SEMA3E: variants seen among roughly 807,000 people sequenced by gnomAD.
SEMA3E encodes semaphorin 3E, also known as semaphorin-3E.
A neutral mutation model predicts 93.6 loss-of-function variants in SEMA3E; 49 were observed. That is an observed-to-expected ratio of 0.52 (90% confidence interval 0.42 to 0.66). The LOEUF (loss-of-function observed/expected upper bound fraction) is 0.66. Ranked by LOEUF, SEMA3E falls within the 30% of genes least tolerant of loss-of-function variation. The pLI, the probability that SEMA3E is intolerant of heterozygous loss-of-function variation, is 0.00. For synonymous variants in SEMA3E, 363 were observed against 330.7 expected (o/e 1.10, Z -1.06); for missense variants, 906 against 964.8 (o/e 0.94, Z 0.81).
intron 1 of SEMA3E, among the ~76,000 whole-genome samples, chr7:83,640,491 C>G (rs1010530067): frequency 6.6e-6 from 1 of 152,072 alleles, no homozygotes; most frequent in African/African-American, 2.4e-5. Flanking sequence ...AGCTTCCCAG[C>G]GGAAAAACAG....
At chr7:83,474,677 A>G (rs1380205438) in intron 2 of SEMA3E, among the ~76,000 whole-genome samples, 13 of 152,244 alleles carry the variant, frequency 8.5e-5, no homozygotes, top group Admixed American at 8.5e-4. Flanking sequence ...TGGGTCATGC[A>G]TGATTTAGGA....
chr7:83,410,789 CAT>C (rs750856041), intron 5 of SEMA3E, among the ~76,000 whole-genome samples: 7 of 152,142 alleles, frequency 4.6e-5, no homozygotes, highest in African/African-American at 9.6e-5. Flanking sequence ...ACTATTAACA[CAT>C]GAGTGAGGAT....
chr7:83,606,632 G>C (rs1342728698), intron 1 of SEMA3E, among the ~76,000 whole-genome samples: 2 of 134,458 alleles, frequency 1.5e-5, no homozygotes, highest in Non-Finnish European at 3.1e-5. Flanking sequence ...GGAGGGGGGA[G>C]GGATAGCATT....
intron 4 of SEMA3E, among the ~76,000 whole-genome samples, chr7:83,435,612 TAAAG>T (rs769833428): frequency 1.8e-4 from 28 of 151,758 alleles, no homozygotes; most frequent in African/African-American, 2.7e-4. Context: ...ATAAAATAAA[TAAAG>T]AAAGAAAGAA....
intron 1 of SEMA3E, among the ~76,000 whole-genome samples, chr7:83,528,254 AAAAT>A (rs1791205457): frequency 6.6e-6 from 1 of 152,156 alleles, no homozygotes; most frequent in South Asian, 2.1e-4. Flanking sequence ...AACTCAAACA[AAAAT>A]AAATCTTGAA....
chr7:83,564,461 C>G, intron 1 of SEMA3E, among the ~76,000 whole-genome samples: 1 of 151,976 alleles, frequency 6.6e-6, no homozygotes, highest in East Asian at 1.9e-4. Context: ...TCCTTGAATG[C>G]CATGGCCAAG....
chr7:83,377,768 C>G (rs1397270238), intron 16 of SEMA3E, among the ~76,000 whole-genome samples: 1 of 151,890 alleles, frequency 6.6e-6, no homozygotes, highest in Non-Finnish European at 1.5e-5. Flanking sequence ...CACTAATAAC[C>G]ATTTACATTT....
chr7:83,544,360 G>T (rs1015419284), intron 1 of SEMA3E, among the ~76,000 whole-genome samples: 3 of 151,974 alleles, frequency 2.0e-5, no homozygotes, highest in Non-Finnish European at 2.9e-5. Context: ...CTTCATTCGA[G>T]CAGCTATGCC....
intron 4 of SEMA3E, among the ~76,000 whole-genome samples, chr7:83,452,332 A>G (rs1256134998): frequency 6.6e-6 from 1 of 152,090 alleles, no homozygotes; most frequent in African/African-American, 2.4e-5. Context: ...GTGGGGGAAA[A>G]AAAAGCCCTC....
intron 7 of SEMA3E, 72 bp downstream of exon 7, chr7:83,407,025 T>G (rs1381105391): frequency 6.4e-7 from 1 of 1,567,740 alleles, no homozygotes; most frequent in African/African-American, 1.4e-5. Flanking sequence ...AAGTAGAAAC[T>G]TACTATAAAC....
chr7:83,633,201 GCCC>G (rs1411295357), intron 1 of SEMA3E, among the ~76,000 whole-genome samples: 2 of 151,086 alleles, frequency 1.3e-5, no homozygotes, highest in Non-Finnish European at 2.9e-5. Flanking sequence ...CCTCTCCCAT[GCCC>G]CCTTCTTTAC....
At chr7:83,369,190 CTTCT>C (rs1166669344) in intron 16 of SEMA3E, among the ~76,000 whole-genome samples, 1 of 152,092 alleles carries the variant, frequency 6.6e-6, no homozygotes, top group African/African-American at 2.4e-5. Flanking sequence ...AAGCAATATT[CTTCT>C]TTGTCAATAT....
chr7:83,518,108 A>G (rs1433582195), intron 1 of SEMA3E, among the ~76,000 whole-genome samples: 1 of 147,654 alleles, frequency 6.8e-6, no homozygotes. Flanking sequence ...GCTTTTCTTC[A>G]TGAAAGAAAA....
chr7:83,364,780 A>T lies in SEMA3E; in HGVS notation c.*2806T>A, dbSNP rs998928650. On this transcript the variant is annotated 3_prime_UTR_variant, in exon 17 of 17. Transcript: ENST00000643230. ...GGAGGTGCCTCTTAGAAATTAGATGAGTGGTTATGATTTTTGCTCAATGTT... is the reference window on the plus strand; with the variant it reads ...GGAGGTGCCTCTTAGAAATTAGATGTGTGGTTATGATTTTTGCTCAATGTT... 1 of 152,130 alleles carries T rather than the reference A, an allele frequency of 6.6e-6. No homozygotes were observed. Among genetic ancestry groups the T allele is most frequent in the Non-Finnish European group, 1.5e-5 (1 of 68,020 alleles). The allele number at this position is 152,130 out of a possible 1,614,324, so 9.4% of individuals were successfully genotyped here.
At chr7:83,627,205 G>T (rs1315484033) in intron 1 of SEMA3E, among the ~76,000 whole-genome samples, 1 of 152,162 alleles carries the variant, frequency 6.6e-6, no homozygotes, top group Non-Finnish European at 1.5e-5. Flanking sequence ...GTGTTCTGTA[G>T]ATGTCTATCA....
chr7:83,613,942 A>C (rs933577529), intron 1 of SEMA3E, among the ~76,000 whole-genome samples: 6 of 152,100 alleles, frequency 3.9e-5, no homozygotes, highest in African/African-American at 1.4e-4. Context: ...ACAAAACAAT[A>C]TTCATACATA....
chr7:83,504,988 T>C (rs1324091337), intron 1 of SEMA3E, among the ~76,000 whole-genome samples: 1 of 152,058 alleles, frequency 6.6e-6, no homozygotes, highest in East Asian at 1.9e-4. Flanking sequence ...CATTTCTGGA[T>C]CTTATTCATT....
chr7:83,409,909 A>G (rs537890338), intron 5 of SEMA3E, among the ~76,000 whole-genome samples: 1 of 151,736 alleles, frequency 6.6e-6, no homozygotes, highest in South Asian at 2.1e-4. Flanking sequence ...TAAATTATAT[A>G]TAAGACAAAT....
At chr7:83,572,258 G>A (rs1431978534) in intron 1 of SEMA3E, among the ~76,000 whole-genome samples, 3 of 152,036 alleles carry the variant, frequency 2.0e-5, no homozygotes. Context: ...AAAAGTGTAT[G>A]AGTAGCCAAA....
Sources: gnomAD v4.1 joint callset for allele counts (sites outside exome capture counted in the v4.1 genomes callset) on GRCh38, gnomAD v4.1.1 for gene constraint, MANE v1.5 for transcripts, NCBI Gene and HGNC (gene_info 2026-07-23, HGNC 2026-07-21) for gene names.